The following HSD17B13 variants were observed in gnomAD, a reference collection of about 807,000 sequenced individuals.
The protein encoded by HSD17B13 is hydroxysteroid 17-beta dehydrogenase 13, also known as 17-beta-hydroxysteroid dehydrogenase 13.
HSD17B13 carries 26 observed loss-of-function variants against 31.1 expected under a neutral mutation model. That is an observed-to-expected ratio of 0.84 (90% CI 0.61 to 1.16). The LOEUF is 1.16. Ranked by LOEUF, HSD17B13 falls within the 50% of genes most tolerant of loss-of-function variation. The pLI is 0.00. For missense variants in HSD17B13, 374 were observed against 366.5 expected (o/e 1.02, Z -0.17); for synonymous variants, 141 against 133.7 (o/e 1.05, Z -0.38).
Position 87,313,828 on chromosome 4 carries a change from G to C in HSD17B13, c.690C>G (p.Ser230Arg). The C allele has an allele frequency of 6.2e-7, 1 of 1,610,704 alleles. No individual in the cohort carries two copies. The highest frequency in any genetic ancestry group is 8.5e-7 in the Non-Finnish European group (1 of 1,178,562). The stretch of plus-strand genomic sequence containing the variant: ...TAACTTGATTTTGACCTTACCTTGT[G>C]CTTGGATTTTTGGTGAACCCAGTAT... ...FVNTGFTKNP[S>R]TRLWPVLETD... The change falls in exon 5 of 7, where the codon AGC becomes AGG. Residue 230 changes from serine (S) to arginine (R), a missense_variant. Coordinates refer to ENST00000328546, the MANE Select transcript of HSD17B13 (RefSeq NM_178135.5).
chr4:87,312,645 T>C (rs922379462), intron 5 of HSD17B13, among the ~76,000 whole-genome samples: 4 of 147,074 alleles, frequency 2.7e-5, no homozygotes, highest in African/African-American at 1.0e-4. Context: ...TTCTCCTGCC[T>C]CAGCCTCCCG....
intron 6 of HSD17B13, among the ~76,000 whole-genome samples, chr4:87,307,913 G>A (rs1330656966): frequency 6.6e-6 from 1 of 152,144 alleles, no homozygotes; most frequent in Non-Finnish European, 1.5e-5. Context: ...AATGCAGTTT[G>A]TACCCTGTTC....
At position 87,305,018 on chromosome 4, in the gene HSD17B13, A is replaced by G; in HGVS notation, c.*200T>C. ...TTTTAAGAGGCATGAAAGGAAAAAC[A>G]GACCTATGAAAAACTACGTAAATAT... is the stretch of plus-strand genomic sequence containing the variant. On this transcript the variant is annotated 3_prime_UTR_variant, in exon 7 of 7. Coordinates refer to ENST00000328546, the MANE Select transcript of HSD17B13 (RefSeq NM_178135.5). 2.5e-6 allele frequency: 1 copy of G among 401,590 alleles called. No homozygotes were observed. The highest frequency in any genetic ancestry group is 4.4e-6 in the Non-Finnish European group (1 of 228,144). 24.9% of individuals were successfully genotyped at this position (401,590 alleles called of 1,614,324 possible).
chr4:87,305,980 G>C (rs780639315), intron 6 of HSD17B13, among the ~76,000 whole-genome samples: 2 of 152,140 alleles, frequency 1.3e-5, no homozygotes, highest in Non-Finnish European at 2.9e-5. Context: ...GTCAAAAAGA[G>C]AGTAATCAGT....
At chr4:87,310,174 AAAAAAAAAAAAGC>A in intron 6 of HSD17B13, 56 bp downstream of exon 6, 1 of 1,163,234 alleles carries the variant, frequency 8.6e-7, no homozygotes, top group Non-Finnish European at 1.1e-6. Context: ...ACTCTGTCTA[AAAAAAAAAAAAGC>A]AAAAAAAAAA....
chr4:87,320,625 G>A (rs1032357867), intron 1 of HSD17B13, among the ~76,000 whole-genome samples: 5 of 152,098 alleles, frequency 3.3e-5, no homozygotes, highest in Admixed American at 6.5e-5. Context: ...CTGACCTCGT[G>A]ATCCGCCCGT....
chr4:87,308,505 A>T (rs1218487321), intron 6 of HSD17B13, among the ~76,000 whole-genome samples: 36 of 91,544 alleles, frequency 3.9e-4, no homozygotes, highest in African/African-American at 2.1e-3. Flanking sequence ...AAAAAAAAAA[A>T]AAAAAAAAAA....
intron 3 of HSD17B13, among the ~76,000 whole-genome samples, chr4:87,316,041 C>T (rs989106090): frequency 2.0e-5 from 3 of 152,178 alleles, no homozygotes; most frequent in African/African-American, 7.2e-5. Flanking sequence ...GAGAGTTCTA[C>T]ACCACACTAA....
intron 1 of HSD17B13, among the ~76,000 whole-genome samples, chr4:87,319,742 T>C (rs1307952086): frequency 6.6e-6 from 1 of 152,234 alleles, no homozygotes; most frequent in Non-Finnish European, 1.5e-5. Context: ...GCAAGGCCAC[T>C]GGATGGATTT....
intron 5 of HSD17B13, among the ~76,000 whole-genome samples, chr4:87,313,190 G>C (rs867627600): frequency 2.6e-5 from 4 of 152,112 alleles, no homozygotes; most frequent in African/African-American, 7.2e-5. Flanking sequence ...AACTCAGGCT[G>C]TAAGAGTCAG....
chr4:87,312,665 G>A (rs1734557713), intron 5 of HSD17B13, among the ~76,000 whole-genome samples: 1 of 150,878 alleles, frequency 6.6e-6, no homozygotes, highest in South Asian at 2.1e-4. Flanking sequence ...GCGCAGCTGG[G>A]ACTACAGGCG....
Position 87,305,273 on chromosome 4 carries a change from C to T in HSD17B13, c.848G>A (p.Arg283His), listed in dbSNP as rs370831035. Residue 283 changes from arginine (R) to histidine (H), a missense_variant, in exon 7 of 7, where the codon CGT becomes CAT. Coordinates refer to ENST00000328546, the MANE Select transcript of HSD17B13 (RefSeq NM_178135.5). ...LPERASAILN[R>H]MQNIQFEAVV... ...TGCTTCAAATTGAATATTCTGCATA[C>T]GATTTAAAATCGCTGAGGCGCGTTC... 1.9e-5 allele frequency: 31 copies of T among 1,607,042 alleles called. No individual in the cohort carries two copies. Among genetic ancestry groups the T allele is most frequent in the South Asian group, 1.3e-4 (12 of 89,586 alleles).
chr4:87,318,450 G>T lies in HSD17B13; in HGVS notation c.211-14C>A, dbSNP rs999054874. ...CTCCACACCGCGCTGTAATTAGGAA[G>T]AAACAAATTCCGAAAAAAGTGGAGG... On this transcript the variant is annotated splice_polypyrimidine_tract_variant and intron_variant, in intron 1 of 6. Coordinates refer to ENST00000328546, the MANE Select transcript of HSD17B13 (RefSeq NM_178135.5). 2.5e-6 allele frequency: 4 copies of T among 1,611,296 alleles called. No individual in the cohort carries two copies. In the African/African-American group the frequency reaches 4.0e-5, roughly 16 times the overall value.
At chr4:87,311,979 A>G (rs1734539076) in intron 5 of HSD17B13, among the ~76,000 whole-genome samples, 1 of 152,196 alleles carries the variant, frequency 6.6e-6, no homozygotes, top group Non-Finnish European at 1.5e-5. Flanking sequence ...GAAATTCACA[A>G]TCTAGCAACC....
At chr4:87,310,172 T>TG in intron 6 of HSD17B13, 71 bp downstream of exon 6, 1 of 1,096,862 alleles carries the variant, frequency 9.1e-7, no homozygotes, top group Non-Finnish European at 1.2e-6. Context: ...AGACTCTGTC[T>TG]AAAAAAAAAA....
At chr4:87,321,924 C>T (rs964426921) in intron 1 of HSD17B13, among the ~76,000 whole-genome samples, 3 of 152,102 alleles carry the variant, frequency 2.0e-5, no homozygotes, top group African/African-American at 7.2e-5. Flanking sequence ...ATGGCCTTAC[C>T]AGAATTTACA....
At chr4:87,312,023 C>T (rs1734540252) in intron 5 of HSD17B13, among the ~76,000 whole-genome samples, 1 of 152,086 alleles carries the variant, frequency 6.6e-6, no homozygotes, top group Admixed American at 6.5e-5. Context: ...TTAGCATTGC[C>T]TGTGTCTACC....
At chr4:87,317,262 T>C in intron 2 of HSD17B13, 39 bp from the exon 3 acceptor site, 1 of 1,607,800 alleles carries the variant, frequency 6.2e-7, no homozygotes, top group Non-Finnish European at 8.5e-7. Context: ...GGGTGTATTA[T>C]TCAAACTCAA....
chr4:87,306,506 T>C (rs376896135), intron 6 of HSD17B13, among the ~76,000 whole-genome samples: 1 of 152,090 alleles, frequency 6.6e-6, no homozygotes, highest in Non-Finnish European at 1.5e-5. Flanking sequence ...CCATCTAGAA[T>C]TAAGGGCTAT....
Sources: allele counts gnomAD v4.1 joint callset (sites outside exome capture counted in the v4.1 genomes callset), GRCh38; gene constraint gnomAD v4.1.1; transcripts MANE v1.5; gene names NCBI Gene and HGNC (gene_info 2026-07-23, HGNC 2026-07-21).